Variants in GARIN5A observed in about 807,000 individuals in gnomAD.
GARIN5A encodes the protein Golgi-associated RAB2 interactor protein 5A.
At chr19:50,474,198 CAG>C in the GARIN5A span, among the ~76,000 whole-genome samples, 2 of 149,344 alleles carry the variant, frequency 1.3e-5, no homozygotes, top group African/African-American at 2.5e-5. Context: ...TTTTTTGAGA[CAG>C]AGTCTCACTC....
chr19:50,467,704 C>T, the GARIN5A span: 15 of 1,595,656 alleles, frequency 9.4e-6, no homozygotes, highest in South Asian at 3.4e-5. Flanking sequence ...GCCGAACTCT[C>T]GGTCTCGGGT....
At chr19:50,474,131 G>C in the GARIN5A span, among the ~76,000 whole-genome samples, 1 of 151,922 alleles carries the variant, frequency 6.6e-6, no homozygotes, top group African/African-American at 2.4e-5. Context: ...TTGTTTTCTC[G>C]TTTGTTTGCA....
At chr19:50,476,320 G>A in the GARIN5A span, 1 of 1,592,132 alleles carries the variant, frequency 6.3e-7, no homozygotes, top group Non-Finnish European at 8.6e-7. Context: ...ACAAGAGCGG[G>A]CTCCTGATTT....
chr19:50,473,379 A>G, the GARIN5A span, among the ~76,000 whole-genome samples: 1 of 151,642 alleles, frequency 6.6e-6, no homozygotes, highest in Non-Finnish European at 1.5e-5. Context: ...TTTTTAGAGA[A>G]CGGGTCTCAC....
At chr19:50,476,776 G>C in the GARIN5A span, 1 of 671,576 alleles carries the variant, frequency 1.5e-6, no homozygotes, top group Non-Finnish European at 2.4e-6. Context: ...AGAGGTGGGA[G>C]ATCCCTGGAA....
At chr19:50,471,942 GTA>G in the GARIN5A span, among the ~76,000 whole-genome samples, 4 of 139,984 alleles carry the variant, frequency 2.9e-5, no homozygotes, top group Non-Finnish European at 6.0e-5. Flanking sequence ...ATGTGTGTAA[GTA>G]TATATACATG....
At chr19:50,471,930 G>A in the GARIN5A span, among the ~76,000 whole-genome samples, 3 of 150,592 alleles carry the variant, frequency 2.0e-5, no homozygotes, top group Non-Finnish European at 4.4e-5. Flanking sequence ...GTATATACAT[G>A]TATGTGTGTA....
chr19:50,476,349 G>A, the GARIN5A span: 1 of 1,578,276 alleles, frequency 6.3e-7, no homozygotes, highest in Non-Finnish European at 8.6e-7. Context: ...GTCCCTGGAG[G>A]GGGCGGCTCC....
the GARIN5A span, among the ~76,000 whole-genome samples, chr19:50,468,298 G>T: frequency 6.7e-6 from 1 of 149,418 alleles, no homozygotes; most frequent in African/African-American, 2.5e-5. Context: ...GGAGGCGGAG[G>T]TTGCAGTGAG....
chr19:50,475,213 CA>C, the GARIN5A span: 1 of 1,424,188 alleles, frequency 7.0e-7, no homozygotes, highest in Non-Finnish European at 9.3e-7. Context: ...GGGCCGGTAG[CA>C]CTGCCAGCTC....
At chr19:50,475,419 T>A in the GARIN5A span, 1 of 1,609,796 alleles carries the variant, frequency 6.2e-7, no homozygotes, top group African/African-American at 1.3e-5. Context: ...GCCACCCCCA[T>A]GGTGACCTCG....
At chr19:50,468,079 G>A in the GARIN5A span, among the ~76,000 whole-genome samples, 4 of 152,104 alleles carry the variant, frequency 2.6e-5, no homozygotes, top group Admixed American at 6.5e-5. Context: ...TTCCATCTGG[G>A]GCCAGGCGTG....
At chr19:50,471,906 ATGTG>A in the GARIN5A span, among the ~76,000 whole-genome samples, 2,104 of 142,852 alleles carry the variant, frequency 0.015, 95 homozygotes, top group African/African-American at 0.058. Flanking sequence ...GCATACATGT[ATGTG>A]TGTATATGTG....
At chr19:50,472,375 G>T in the GARIN5A span, among the ~76,000 whole-genome samples, 1 of 151,910 alleles carries the variant, frequency 6.6e-6, no homozygotes. Flanking sequence ...GCTGGAAGTT[G>T]GTTAGACAGA....
the GARIN5A span, chr19:50,476,300 AT>A: frequency 6.3e-7 from 1 of 1,599,390 alleles, no homozygotes; most frequent in Non-Finnish European, 8.5e-7. Flanking sequence ...AGCGGGCTTT[AT>A]GACGTCACAC....
the GARIN5A span, among the ~76,000 whole-genome samples, chr19:50,471,471 G>A: frequency 9.0e-4 from 136 of 151,780 alleles, no homozygotes; most frequent in African/African-American, 3.2e-3. Flanking sequence ...GTCTCACCAT[G>A]TTGGCCAGGC....
the GARIN5A span, among the ~76,000 whole-genome samples, chr19:50,471,860 A>G: frequency 4.7e-5 from 7 of 150,258 alleles, no homozygotes; most frequent in Admixed American, 4.0e-4. Flanking sequence ...GCATACATAC[A>G]TGTGTATATG....
At chr19:50,468,962 G>A in the GARIN5A span, among the ~76,000 whole-genome samples, 1 of 151,992 alleles carries the variant, frequency 6.6e-6, no homozygotes, top group Non-Finnish European at 1.5e-5. Context: ...CCACCCTTGC[G>A]TCCAGCCACC....
At chr19:50,474,409 A>G in the GARIN5A span, among the ~76,000 whole-genome samples, 61 of 128,660 alleles carry the variant, frequency 4.7e-4, 2 homozygotes, top group East Asian at 0.012. Context: ...GCAGTGGCGC[A>G]ATCTCAGCTC....
Sources: allele counts gnomAD v4.1 joint callset (sites outside exome capture counted in the v4.1 genomes callset), GRCh38; gene constraint gnomAD v4.1.1; transcripts MANE v1.5; gene names NCBI Gene and HGNC (gene_info 2026-07-23, HGNC 2026-07-21).